SMIM36: variants seen among roughly 807,000 people sequenced by gnomAD.
SMIM36 encodes the protein small integral membrane protein 36.
intron 3 of SMIM36, among the ~76,000 whole-genome samples, chr17:55,471,387 G>A (rs1909339563): frequency 6.6e-6 from 1 of 152,076 alleles, no homozygotes. Context: ...AAGGGGTACT[G>A]AGTATCCCCC....
At chr17:55,486,097 G>A (rs566027268) in intron 1 of SMIM36, among the ~76,000 whole-genome samples, 53 of 148,542 alleles carry the variant, frequency 3.6e-4, no homozygotes, top group African/African-American at 1.3e-3. Context: ...GTGCAATGGC[G>A]TGATCTCCGC....
chr17:55,464,772 A>G (rs947178546), intron 4 of SMIM36, among the ~76,000 whole-genome samples: 1 of 152,218 alleles, frequency 6.6e-6, no homozygotes, highest in Admixed American at 6.5e-5. Flanking sequence ...CACAAATGCT[A>G]TTGATAAAGA....
At chr17:55,457,451 CA>C (rs1179896909) in intron 4 of SMIM36, among the ~76,000 whole-genome samples, 4,250 of 61,670 alleles carry the variant, frequency 0.069, 70 homozygotes, top group Middle Eastern at 0.17. Context: ...AACTCCGTCT[CA>C]AAAAAAAAAA....
chr17:55,500,538 C>A (rs1275143838), intron 1 of SMIM36, among the ~76,000 whole-genome samples: 1 of 151,528 alleles, frequency 6.6e-6, no homozygotes, highest in African/African-American at 2.4e-5. Context: ...TTGAATGAAT[C>A]ACAAATCAAA....
chr17:55,508,233 A>G (rs938606468), intron 1 of SMIM36, among the ~76,000 whole-genome samples: 1 of 151,714 alleles, frequency 6.6e-6, no homozygotes, highest in Non-Finnish European at 1.5e-5. Flanking sequence ...CACCCCTTCC[A>G]CAAGGATACT....
rs1261749497 is a variant in SMIM36, at chr17:55,510,991, T to A, written c.*62A>T. 3 of 397,672 alleles carry A rather than the reference T, an allele frequency of 7.5e-6. No homozygotes were observed. In the East Asian group the frequency reaches 1.1e-4, roughly 14 times the overall value. 24.6% of individuals were successfully genotyped at this position (397,672 alleles called of 1,614,324 possible). A position where few individuals can be genotyped will look rare whatever the true frequency, so the allele number is the denominator to read the frequency against. On this transcript the variant is annotated 3_prime_UTR_variant, in exon 1 of 5. Transcript: ENST00000636752. ...TGTGCTGAGAGAATTGGAGCCACGATAGGGAGCAGTTTGTCTCTATGGAAA... is the reference window on the plus strand; with the variant it reads ...TGTGCTGAGAGAATTGGAGCCACGAAAGGGAGCAGTTTGTCTCTATGGAAA...
the SMIM36 span, among the ~76,000 whole-genome samples, chr17:55,526,679 T>C: frequency 1.3e-5 from 2 of 152,212 alleles, no homozygotes; most frequent in African/African-American, 4.8e-5. Context: ...TGGATGATCA[T>C]GGAGTTTTCT....
At chr17:55,518,541 GT>G in the SMIM36 span, among the ~76,000 whole-genome samples, 5 of 152,116 alleles carry the variant, frequency 3.3e-5, no homozygotes, top group Non-Finnish European at 7.3e-5. Flanking sequence ...ATTAGAAGGG[GT>G]TTTCATAGGG....
chr17:55,485,939 A>G (rs527403957), intron 1 of SMIM36, among the ~76,000 whole-genome samples: 28 of 152,246 alleles, frequency 1.8e-4, no homozygotes, highest in African/African-American at 5.8e-4. Flanking sequence ...CTTAATGTTA[A>G]TTTCCAAGAG....
At chr17:55,472,866 TAA>T (rs748364478) in intron 3 of SMIM36, among the ~76,000 whole-genome samples, 4 of 120,074 alleles carry the variant, frequency 3.3e-5, no homozygotes, top group Non-Finnish European at 3.6e-5. Context: ...GACTCTGTCT[TAA>T]AAAAAAAAAA....
intron 4 of SMIM36, among the ~76,000 whole-genome samples, chr17:55,459,284 A>G (rs1004438099): frequency 6.6e-6 from 1 of 152,224 alleles, no homozygotes; most frequent in Non-Finnish European, 1.5e-5. Context: ...AGTCATCTCT[A>G]GGTGACCTGG....
At chr17:55,523,347 T>C in the SMIM36 span, among the ~76,000 whole-genome samples, 6 of 151,966 alleles carry the variant, frequency 3.9e-5, no homozygotes, top group African/African-American at 1.5e-4. Flanking sequence ...CTGGCCAACA[T>C]GGTGAAACCC....
intron 1 of SMIM36, among the ~76,000 whole-genome samples, chr17:55,495,990 A>C (rs534317099): frequency 3.9e-5 from 6 of 152,278 alleles, no homozygotes; most frequent in African/African-American, 1.4e-4. Flanking sequence ...CCTTCTGATC[A>C]TGTGTATAAT....
At chr17:55,481,125 T>TCACACA (rs914723655) in intron 1 of SMIM36, among the ~76,000 whole-genome samples, 6 of 151,560 alleles carry the variant, frequency 4.0e-5, no homozygotes, top group African/African-American at 1.5e-4. Context: ...TCTCTCTCTC[T>TCACACA]CACACACACA....
chr17:55,516,443 A>G (rs1486082642), upstream of SMIM36, among the ~76,000 whole-genome samples: 1 of 152,112 alleles, frequency 6.6e-6, no homozygotes. Context: ...AGCAAAGGCC[A>G]TTTTTAGAAC....
At chr17:55,467,458 G>A (rs1488633606) in intron 3 of SMIM36, 130 bp from the exon 4 acceptor site, 4 of 151,970 alleles carry the variant, frequency 2.6e-5, no homozygotes, top group East Asian at 1.9e-4. Context: ...GTGCAGTGGC[G>A]TGATCTCGGC....
intron 1 of SMIM36, among the ~76,000 whole-genome samples, chr17:55,494,930 T>C (rs1209567129): frequency 6.6e-6 from 1 of 152,148 alleles, no homozygotes; most frequent in African/African-American, 2.4e-5. Context: ...CTAAAATATA[T>C]AAAGTTGGGA....
At chr17:55,472,776 G>A (rs1909361800) in intron 3 of SMIM36, among the ~76,000 whole-genome samples, 1 of 151,670 alleles carries the variant, frequency 6.6e-6, no homozygotes, top group African/African-American at 2.4e-5. Context: ...GCTGAGGCAG[G>A]AGAATTGCTT....
chr17:55,501,350 A>G lies in SMIM36; in HGVS notation c.*174+9529T>C, dbSNP rs1268976245. On this transcript the variant is annotated intron_variant, in intron 1 of 4. Transcript: ENST00000636752. ...TAATATATAATATATTATATATTAT[A>G]TTTTATAATATATAATATATTATAT... Among the ~76,000 whole-genome samples, 4 of 85,194 alleles carry G rather than the reference A, an allele frequency of 4.7e-5. 1 individual carries two copies. Among genetic ancestry groups the G allele is most frequent in the Admixed American group, 4.2e-4 (2 of 4,706 alleles). 55.9% of individuals were successfully genotyped at this position (85,194 alleles called of 152,430 possible). A position where few individuals can be genotyped will look rare whatever the true frequency, so the allele number is the denominator to read the frequency against.
Sources: allele counts gnomAD v4.1 joint callset (sites outside exome capture counted in the v4.1 genomes callset), GRCh38; gene constraint gnomAD v4.1.1; transcripts MANE v1.5; gene names NCBI Gene and HGNC (gene_info 2026-07-23, HGNC 2026-07-21).